ZYG11B: variants seen among roughly 807,000 people sequenced by gnomAD.
ZYG11B encodes zyg-11 family member B, cell cycle regulator.
Under a neutral mutation model 82.4 loss-of-function variants are expected in ZYG11B, and 36 were observed. That is an observed-to-expected ratio of 0.44 (90% CI 0.33 to 0.58). The LOEUF (loss-of-function observed/expected upper bound fraction) is 0.58, where lower values mean the gene tolerates loss of function less well. Ranked by LOEUF, ZYG11B falls within the 20% of genes least tolerant of loss-of-function variation. The pLI is 0.02. For synonymous variants in ZYG11B, 303 were observed against 312.8 expected, an observed-to-expected ratio of 0.97 and a Z score of 0.33; for missense variants, 552 against 895.6, an observed-to-expected ratio of 0.62 and a Z score of 4.90.
chr1:52,812,495 C>G (rs923993557), intron 10 of ZYG11B, among the ~76,000 whole-genome samples: 3 of 152,090 alleles, frequency 2.0e-5, no homozygotes, highest in Non-Finnish European at 2.9e-5. Flanking sequence ...CTCCACCTCC[C>G]AGGTTCAAGC....
intron 1 of ZYG11B, among the ~76,000 whole-genome samples, chr1:52,752,676 G>A (rs1232457721): frequency 1.3e-5 from 2 of 152,182 alleles, no homozygotes; most frequent in Non-Finnish European, 2.9e-5. Flanking sequence ...ACTGGCACCT[G>A]CAGTGGGGAC....
At position 52,813,010 on chromosome 1, in the gene ZYG11B, G is replaced by C. The variant is rs115482799; in HGVS notation, c.1696-526G>C. Among the ~76,000 whole-genome samples, 978 of 152,210 alleles carry C rather than the reference G, an allele frequency of 6.4e-3. 14 individuals carry two copies. The highest frequency in any genetic ancestry group is 0.023 in the African/African-American group (940 of 41,520). On this transcript the variant is annotated intron_variant, in intron 10 of 13. Transcript: ENST00000294353. ...CCCTATTTATTTGTTTTGTTAGAGT[G>C]GCGTCTTATCAGACTTTACCCTACG...
chr1:52,781,506 G>GA (rs574832110), intron 4 of ZYG11B, among the ~76,000 whole-genome samples: 143 of 146,512 alleles, frequency 9.8e-4, no homozygotes, highest in Middle Eastern at 3.5e-3. Context: ...TCTTAAAAGA[G>GA]AAAAAAAAAA....
At chr1:52,814,704 T>TACAC (rs10644507) in intron 12 of ZYG11B, among the ~76,000 whole-genome samples, 6,343 of 91,974 alleles carry the variant, frequency 0.069, 377 homozygotes, top group African/African-American at 0.15. Flanking sequence ...CAAATGTAAA[T>TACAC]ACACACACAC....
chr1:52,815,060 A>G (rs538428410), intron 12 of ZYG11B, among the ~76,000 whole-genome samples: 2 of 152,312 alleles, frequency 1.3e-5, no homozygotes, highest in Non-Finnish European at 2.9e-5. Flanking sequence ...TGGGAGGCTG[A>G]GGCATGAGAA....
intron 2 of ZYG11B, among the ~76,000 whole-genome samples, chr1:52,759,047 T>A (rs888550427): frequency 6.6e-6 from 1 of 152,158 alleles, no homozygotes; most frequent in African/African-American, 2.4e-5. Flanking sequence ...TTCTCCTGCC[T>A]CAGCCTCCTG....
At chr1:52,763,661 A>G (rs1644656156) in intron 2 of ZYG11B, among the ~76,000 whole-genome samples, 1 of 152,132 alleles carries the variant, frequency 6.6e-6, no homozygotes, top group Non-Finnish European at 1.5e-5. Flanking sequence ...TTAGAGTTCT[A>G]CTTATCGGGG....
chr1:52,778,773 A>G (rs1007888057), intron 3 of ZYG11B, among the ~76,000 whole-genome samples: 2 of 152,198 alleles, frequency 1.3e-5, no homozygotes, highest in Admixed American at 6.5e-5. Flanking sequence ...AGATAAGCGT[A>G]TTATCTTAAA....
intron 1 of ZYG11B, among the ~76,000 whole-genome samples, chr1:52,745,008 A>G (rs1469830288): frequency 6.6e-6 from 1 of 152,210 alleles, no homozygotes; most frequent in Non-Finnish European, 1.5e-5. Flanking sequence ...TACCAGCATA[A>G]TTCACAAAGG....
At chr1:52,736,097 C>T (rs1215654251) in intron 1 of ZYG11B, among the ~76,000 whole-genome samples, 5 of 152,094 alleles carry the variant, frequency 3.3e-5, no homozygotes, top group Non-Finnish European at 7.4e-5. Flanking sequence ...CCTGCAGTTT[C>T]GGCCCTGCTA....
At chr1:52,760,990 T>C (rs966318138) in intron 2 of ZYG11B, among the ~76,000 whole-genome samples, 2 of 152,152 alleles carry the variant, frequency 1.3e-5, no homozygotes, top group African/African-American at 4.8e-5. Flanking sequence ...CTCGAACTCC[T>C]GACATCAAAT....
At chr1:52,778,099 C>G (rs1206109224) in intron 3 of ZYG11B, among the ~76,000 whole-genome samples, 1 of 152,208 alleles carries the variant, frequency 6.6e-6, no homozygotes, top group Admixed American at 6.5e-5. Context: ...CATGTCCTTT[C>G]ATTTCTTTAT....
chr1:52,818,113 C>G (rs955808513), intron 13 of ZYG11B, among the ~76,000 whole-genome samples: 3 of 151,628 alleles, frequency 2.0e-5, no homozygotes, highest in Non-Finnish European at 4.4e-5. Flanking sequence ...GCTGGGCTTA[C>G]AGGTGTGAGC....
At chr1:52,767,270 GTTATT>G (rs200450434) in intron 2 of ZYG11B, among the ~76,000 whole-genome samples, 2,633 of 150,246 alleles carry the variant, frequency 0.018, 88 homozygotes, top group African/African-American at 0.06. Context: ...ATTTTATTTT[GTTATT>G]TTATTTTATG....
chr1:52,774,369 G>A (rs1188525037), intron 3 of ZYG11B, among the ~76,000 whole-genome samples: 13 of 149,398 alleles, frequency 8.7e-5, no homozygotes, highest in East Asian at 2.0e-4. Context: ...GTGCAATGGC[G>A]TGATCTCGGC....
rs1342672464 is a variant in ZYG11B, at chr1:52,803,111, T to C, written c.1695+972T>C. 6.7e-4 allele frequency among the ~76,000 whole-genome samples: 61 copies of C among 90,684 alleles called. 2 individuals carry two copies. Among genetic ancestry groups the C allele is most frequent in the African/African-American group, 2.2e-3 (33 of 15,028 alleles). 59.5% of individuals were successfully genotyped at this position (90,684 alleles called of 152,430 possible). On this transcript the variant is annotated intron_variant, in intron 10 of 13. Transcript: ENST00000294353. The stretch of plus-strand genomic sequence containing the variant: ...ACATATATATATACATATATATATA[T>C]ATATATACACACATATATATATACA...
chr1:52,815,251 C>T (rs1645213617), intron 12 of ZYG11B, among the ~76,000 whole-genome samples: 1 of 151,998 alleles, frequency 6.6e-6, no homozygotes, highest in Non-Finnish European at 1.5e-5. Context: ...CCTATAATCC[C>T]AACACTTTGA....
chr1:52,743,498 G>T (rs1644451605), intron 1 of ZYG11B, among the ~76,000 whole-genome samples: 1 of 150,226 alleles, frequency 6.7e-6, no homozygotes, highest in Non-Finnish European at 1.5e-5. Flanking sequence ...AGACAAATTT[G>T]CTCAGGAGTT....
At chr1:52,759,051 C>A (rs1644604080) in intron 2 of ZYG11B, among the ~76,000 whole-genome samples, 1 of 152,124 alleles carries the variant, frequency 6.6e-6, no homozygotes, top group Admixed American at 6.6e-5. Flanking sequence ...CCTGCCTCAG[C>A]CTCCTGAGTA....
Sources: allele counts gnomAD v4.1 joint callset (sites outside exome capture counted in the v4.1 genomes callset), GRCh38; gene constraint gnomAD v4.1.1; transcripts MANE v1.5; gene names NCBI Gene and HGNC (gene_info 2026-07-23, HGNC 2026-07-21).